The following CLN8 variants were observed in gnomAD, a reference collection of about 807,000 sequenced individuals.
The protein encoded by CLN8 is protein CLN8.
Under a neutral mutation model 15.7 loss-of-function variants are expected in CLN8, and 14 were observed. That is an observed-to-expected ratio of 0.89 (90% CI 0.59 to 1.39). CLN8 has a LOEUF of 1.39. CLN8 is among the 40% of genes most tolerant of loss of function. The pLI, the probability that CLN8 is intolerant of heterozygous loss-of-function variation, is 0.00. For synonymous variants in CLN8, 188 were observed against 151.0 expected (o/e 1.25, Z -1.80); for missense variants, 415 against 364.0 (o/e 1.14, Z -1.14).
Position 1,783,611 on chromosome 8 carries a change from G to C in CLN8, c.*3044G>C, listed in dbSNP as rs1246368949. The C allele has an allele frequency of 6.6e-6, 1 of 152,016 alleles. No individual in the cohort carries two copies. Among genetic ancestry groups the C allele is most frequent in the Non-Finnish European group, 1.5e-5 (1 of 68,048 alleles). 9.4% of individuals were successfully genotyped at this position (152,016 alleles called of 1,614,324 possible). ...AGGGTTGGTGCAGCCTCCTCGCCGC[G>C]CTGCGGGGGCTGGGCCGCACAGGCT... On this transcript the variant is annotated 3_prime_UTR_variant, in exon 3 of 3. Coordinates refer to ENST00000331222, the MANE Select transcript of CLN8 (RefSeq NM_018941.4).
intron 1 of CLN8, among the ~76,000 whole-genome samples, chr8:1,767,250 G>T (rs1414000273): frequency 6.6e-6 from 1 of 152,208 alleles, no homozygotes; most frequent in Non-Finnish European, 1.5e-5. Flanking sequence ...GAATCAGAAT[G>T]GGGGATTCAC....
chr8:1,776,651 T>C (rs1373412557), intron 2 of CLN8, among the ~76,000 whole-genome samples: 1 of 152,230 alleles, frequency 6.6e-6, no homozygotes, highest in Non-Finnish European at 1.5e-5. Flanking sequence ...GTCAGCTCTT[T>C]GTTTACTTGA....
chr8:1,759,316 G>C (rs1037858779), upstream of CLN8: 9 of 152,276 alleles, frequency 5.9e-5, no homozygotes, highest in African/African-American at 1.7e-4. Flanking sequence ...AATCGCGATA[G>C]GTGCAGGGGC....
At chr8:1,754,399 A>C (rs531225774), upstream of CLN8, among the ~76,000 whole-genome samples, 69 of 152,320 alleles carry the variant, frequency 4.5e-4, no homozygotes, top group South Asian at 3.3e-3. Context: ...GTCTTATGTA[A>C]AAATGAAGTT....
chr8:1,754,128 T>C (rs1800613982), upstream of CLN8, among the ~76,000 whole-genome samples: 1 of 152,142 alleles, frequency 6.6e-6, no homozygotes, highest in Non-Finnish European at 1.5e-5. Flanking sequence ...CCTGCAACCT[T>C]GGCGTTACTA....
rs1801309937 is a variant in CLN8 at position 1,771,594 on chromosome 8, A to C, written c.540A>C (p.Leu180Phe). The C allele has an allele frequency of 6.2e-7, 1 of 1,613,400 alleles. No homozygotes were observed. The highest frequency in any genetic ancestry group is 1.3e-5 in the African/African-American group (1 of 74,882). Reference protein sequence around the residue: ...TPFTCVSWMLLKAGWSESLFW... With the variant: ...TPFTCVSWMLFKAGWSESLFW... Reference sequence around the variant, plus strand: ...TTACCTGCGTTTCCTGGATGCTCTTAAAGGTAAGTGCATGCATCAGCAGAA... The same window carrying C: ...TTACCTGCGTTTCCTGGATGCTCTTCAAGGTAAGTGCATGCATCAGCAGAA... The change falls in exon 2 of 3, where the codon TTA becomes TTC. Residue 180 changes from leucine to phenylalanine, a missense_variant. By Grantham distance (22) the Leu-to-Phe change is conservative. Coordinates refer to ENST00000331222, the MANE Select transcript of CLN8 (RefSeq NM_018941.4).
upstream of CLN8, chr8:1,760,325 C>G (rs143979076): frequency 6.6e-6 from 1 of 152,030 alleles, no homozygotes; most frequent in Non-Finnish European, 1.5e-5. Context: ...TTCGATCTGT[C>G]GAGGAAGGAG....
At chr8:1,753,911 T>A (rs1028865240), upstream of CLN8, among the ~76,000 whole-genome samples, 1 of 151,724 alleles carries the variant, frequency 6.6e-6, no homozygotes, top group Non-Finnish European at 1.5e-5. Flanking sequence ...AAAGAAAATT[T>A]CTCATTCTCT....
At chr8:1,754,167 A>G (rs1006228785), upstream of CLN8, among the ~76,000 whole-genome samples, 2 of 152,146 alleles carry the variant, frequency 1.3e-5, no homozygotes, top group South Asian at 2.1e-4. Context: ...TCCAGCACAC[A>G]CCACGAGCAT....
rs1243341950 is a variant in CLN8, at chr8:1,771,226, G to A, written c.172G>A (p.Ala58Thr). 6.2e-7 allele frequency: 1 copy of A among 1,613,878 alleles called. No individual in the cohort carries two copies. The highest frequency in any genetic ancestry group is 1.1e-5 in the South Asian group (1 of 91,076). ...SLNATYRSLV[A>T]REKVFWDLAA... ...GAATGCCACTTACCGTTCTTTGGTG[G>A]CCAGAGAGAAGGTCTTCTGGGACCT... Residue 58 changes from alanine (A) to threonine (T), a missense_variant, in exon 2 of 3, where the codon GCC becomes ACC. By Grantham distance (58) the Ala-to-Thr change is moderately conservative (BLOSUM62 0). Transcript: ENST00000331222.
At position 1,782,487 on chromosome 8, in the gene CLN8, C is replaced by G. The variant is rs1250476093; in HGVS notation, c.*1920C>G. On this transcript the variant is annotated 3_prime_UTR_variant, in exon 3 of 3. Coordinates refer to ENST00000331222, the MANE Select transcript of CLN8 (RefSeq NM_018941.4). ...ATTGCTGGTGCTTTAACTATATTGA[C>G]CAAGGTGTATAGTAACCTATTTATC... is the stretch of plus-strand genomic sequence containing the variant. 6.6e-6 allele frequency: 1 copy of G among 152,168 alleles called. No individual in the cohort carries two copies. Among genetic ancestry groups the G allele is most frequent in the Non-Finnish European group, 1.5e-5 (1 of 68,038 alleles). The allele number at this position is 152,168 out of a possible 1,614,324, so 9.4% of individuals were successfully genotyped here.
In CLN8 at chr8:1,780,266, C is replaced by T. The variant is rs775174607; in HGVS notation, c.560C>T (p.Ser187Phe). 1.2e-6 allele frequency: 2 copies of T among 1,614,132 alleles called. No homozygotes were observed. Among genetic ancestry groups the T allele is most frequent in the East Asian group, 2.2e-5 (1 of 44,906 alleles). ...TCCATGCAGGCGGGCTGGTCCGAGTCTCTGTTTTGGAAGCTCAACCAGTGG... is the reference window on the plus strand; with the variant it reads ...TCCATGCAGGCGGGCTGGTCCGAGTTTCTGTTTTGGAAGCTCAACCAGTGG... ...WMLLKAGWSE[S>F]LFWKLNQWLM... Residue 187 changes from serine (S) to phenylalanine (F), a missense_variant, in exon 3 of 3, where the codon TCT (serine) becomes TTT (phenylalanine). By Grantham distance (155) the Ser-to-Phe change is radical. Coordinates refer to ENST00000331222, the MANE Select transcript of CLN8 (RefSeq NM_018941.4).
chr8:1,754,869 G>T (rs748033576), upstream of CLN8, among the ~76,000 whole-genome samples: 3 of 152,206 alleles, frequency 2.0e-5, no homozygotes, highest in Non-Finnish European at 4.4e-5. Flanking sequence ...GGGTCAAACA[G>T]GCCATCTCTG....
In CLN8 at chr8:1,768,868, A is replaced by G. The variant is rs149019036; in HGVS notation, c.-123-2064A>G. On this transcript the variant is annotated intron_variant, in intron 1 of 2. Transcript: ENST00000331222. ...CTGATTTGTCAACAGGTTAACAGAA[A>G]TGTGTTTGGAGATGTGTAAGTACAC... 4.9e-3 allele frequency among the ~76,000 whole-genome samples: 747 copies of G among 152,280 alleles called. 9 individuals carry two copies. The highest frequency in any genetic ancestry group is 0.016 in the African/African-American group (665 of 41,544).
upstream of CLN8, among the ~76,000 whole-genome samples, chr8:1,761,179 ATCAGGT>A (rs1800787991): frequency 6.6e-6 from 1 of 150,644 alleles, no homozygotes; most frequent in Admixed American, 6.7e-5. Context: ...GTAACTGCCA[ATCAGGT>A]TCATGTTGCC....
At chr8:1,761,757 G>C (rs193195993), upstream of CLN8, among the ~76,000 whole-genome samples, 4 of 152,220 alleles carry the variant, frequency 2.6e-5, no homozygotes, top group Non-Finnish European at 1.5e-5. Flanking sequence ...TGCTGAGTGC[G>C]GGCCACAAGA....
chr8:1,779,524 C>T (rs770459485), intron 2 of CLN8, among the ~76,000 whole-genome samples: 5 of 152,206 alleles, frequency 3.3e-5, no homozygotes, highest in African/African-American at 1.2e-4. Context: ...GGATTATAGG[C>T]GTGAGCCACC....
At chr8:1,774,784 G>T (rs1053643430) in intron 2 of CLN8, among the ~76,000 whole-genome samples, 8 of 152,174 alleles carry the variant, frequency 5.3e-5, no homozygotes, top group Admixed American at 1.3e-4. Flanking sequence ...CTTGAGCCCG[G>T]GAGCTCAAGA....
At chr8:1,775,327 G>A (rs528811805) in intron 2 of CLN8, among the ~76,000 whole-genome samples, 1 of 152,256 alleles carries the variant, frequency 6.6e-6, no homozygotes, top group South Asian at 2.1e-4. Context: ...TTGGGTATCT[G>A]CAGGGAGCCC....
Sources: allele counts gnomAD v4.1 joint callset (sites outside exome capture counted in the v4.1 genomes callset), GRCh38; gene constraint gnomAD v4.1.1; transcripts MANE v1.5; gene names NCBI Gene and HGNC (gene_info 2026-07-23, HGNC 2026-07-21).